LYAR: variants seen among roughly 807,000 people sequenced by gnomAD.
LYAR encodes the protein cell growth-regulating nucleolar protein.
Under a neutral mutation model 45.2 loss-of-function variants are expected in LYAR, and 37 were observed. The observed-to-expected ratio is 0.82, with a 90% confidence interval of 0.63 to 1.08. The LOEUF is 1.08. Among genes scored for constraint, LYAR ranks in the 50% least tolerant of loss-of-function variants. The pLI is 0.00. For synonymous variants in LYAR, 176 were observed against 155.1 expected (o/e 1.14, Z -1.00); for missense variants, 493 against 451.0 (o/e 1.09, Z -0.84).
intron 1 of LYAR, among the ~76,000 whole-genome samples, chr4:4,289,244 T>C (rs948176671): frequency 6.6e-6 from 1 of 152,194 alleles, no homozygotes; most frequent in East Asian, 1.9e-4. Flanking sequence ...TCTCTCTGCC[T>C]CCTACCCCAC....
intron 3 of LYAR, 53 bp downstream of exon 3, chr4:4,283,568 T>G: frequency 1.3e-6 from 2 of 1,567,252 alleles, no homozygotes; most frequent in South Asian, 2.3e-5. Context: ...CGCCAAGGCT[T>G]CCAAAACTGA....
intron 8 of LYAR, among the ~76,000 whole-genome samples, chr4:4,269,323 CT>C (rs1718837246): frequency 6.6e-6 from 1 of 152,194 alleles, no homozygotes; most frequent in South Asian, 2.1e-4. Context: ...AGACAGAAAA[CT>C]TTTGTATAAT....
intron 7 of LYAR, among the ~76,000 whole-genome samples, chr4:4,273,920 G>T (rs969372688): frequency 1.3e-5 from 2 of 152,178 alleles, no homozygotes; most frequent in Non-Finnish European, 2.9e-5. Flanking sequence ...CAAAGCTTAT[G>T]CTCGTTCCCT....
intron 4 of LYAR, among the ~76,000 whole-genome samples, chr4:4,280,022 T>C (rs1719336100): frequency 6.6e-6 from 1 of 152,216 alleles, no homozygotes; most frequent in South Asian, 2.1e-4. Flanking sequence ...GATGTGGTCT[T>C]ATATGTCAAA....
intron 1 of LYAR, chr4:4,289,790 T>C (rs2980156): frequency 0.39 from 58,901 of 152,194 alleles, 12,242 homozygotes; most frequent in East Asian, 0.55. Context: ...CGGTGACCAA[T>C]CGTCCTGGTT....
In LYAR at chr4:4,274,356, T is replaced by C; in HGVS notation, c.832+11A>G. On this transcript the variant is annotated intron_variant, in intron 7 of 9. Transcript: ENST00000343470. ...TTCAGATGAATCCCAGAGCGTGAGC[T>C]AGCCACTTACCTTCCGAGTGCCTCC... The C allele has an allele frequency of 6.2e-7, 1 of 1,605,096 alleles. No homozygotes were observed. The highest frequency in any genetic ancestry group is 1.1e-5 in the South Asian group (1 of 89,992).
chr4:4,288,092 G>T (rs1280888326), intron 1 of LYAR, among the ~76,000 whole-genome samples: 3 of 152,162 alleles, frequency 2.0e-5, no homozygotes, highest in Non-Finnish European at 4.4e-5. Context: ...AAAACTAAAT[G>T]ACCTCAAAGC....
Position 4,279,727 on chromosome 4 carries a change from C to G in LYAR, c.260G>C (p.Arg87Thr), listed in dbSNP as rs200105686. ...WIQKISELIK[R>T]PNVSPKVREL... is the part of the protein sequence containing the mutation. ...TCTCACTTTGGGGCTGACATTGGGT[C>G]TCTTTATTAATTCACTAATTTTCTA... Residue 87 changes from arginine to threonine, a missense_variant, in exon 5 of 10, where the codon AGA becomes ACA. By Grantham distance (71) the Arg-to-Thr change is moderately conservative. Coordinates refer to ENST00000343470, the MANE Select transcript of LYAR (RefSeq NM_017816.3). 6.2e-7 allele frequency: 1 copy of G among 1,609,758 alleles called. No individual in the cohort carries two copies. Among genetic ancestry groups the G allele is most frequent in the East Asian group, 2.2e-5 (1 of 44,858 alleles).
At chr4:4,279,246 T>C (rs1417981426) in intron 6 of LYAR, among the ~76,000 whole-genome samples, 5 of 152,066 alleles carry the variant, frequency 3.3e-5, no homozygotes, top group African/African-American at 7.2e-5. Context: ...GACACGAGAA[T>C]TGCTTGAACC....
At chr4:4,272,283 C>G (rs1442700889) in intron 8 of LYAR, among the ~76,000 whole-genome samples, 1 of 152,176 alleles carries the variant, frequency 6.6e-6, no homozygotes, top group Non-Finnish European at 1.5e-5. Flanking sequence ...CTTACAACTG[C>G]ATGTGAGTCT....
chr4:4,274,167 G>T (rs530964207), intron 7 of LYAR, among the ~76,000 whole-genome samples, 200 bp downstream of exon 7: 1 of 152,138 alleles, frequency 6.6e-6, no homozygotes, highest in Non-Finnish European at 1.5e-5. Context: ...AACCTGGGAG[G>T]TGGAGGTTGC....
chr4:4,269,350 GC>G (rs1463584328), intron 8 of LYAR, among the ~76,000 whole-genome samples: 1 of 152,146 alleles, frequency 6.6e-6, no homozygotes, highest in African/African-American at 2.4e-5. Context: ...CCCTACTGCA[GC>G]CACACATCAC....
chr4:4,286,695 G>A (rs967825022), intron 1 of LYAR, 123 bp from the exon 2 acceptor site: 1 of 136,438 alleles, frequency 7.3e-6, no homozygotes, highest in Non-Finnish European at 1.5e-5. Context: ...CGCCCAGGCT[G>A]GAGTGCAGTG....
intron 2 of LYAR, among the ~76,000 whole-genome samples, chr4:4,285,950 C>A (rs1461485495): frequency 6.6e-6 from 1 of 152,174 alleles, no homozygotes; most frequent in African/African-American, 2.4e-5. Context: ...CTCTGGAGAT[C>A]GGCTACACAC....
intron 6 of LYAR, among the ~76,000 whole-genome samples, 192 bp from the exon 7 acceptor site, chr4:4,274,961 C>T (rs553553723): frequency 6.6e-5 from 10 of 152,296 alleles, no homozygotes; most frequent in African/African-American, 2.2e-4. Flanking sequence ...GAAACCACTT[C>T]CCCCAGTCCA....
chr4:4,281,577 C>G (rs535289396), intron 4 of LYAR, among the ~76,000 whole-genome samples: 1 of 152,310 alleles, frequency 6.6e-6, no homozygotes, highest in African/African-American at 2.4e-5. Flanking sequence ...CCTTGGCCTC[C>G]CAAAGTGCTG....
intron 3 of LYAR, 135 bp downstream of exon 3, chr4:4,283,486 T>C (rs923915811): frequency 4.4e-6 from 4 of 912,352 alleles, no homozygotes; most frequent in Admixed American, 2.7e-5. Flanking sequence ...CCAGTTTTAA[T>C]CAATGGAACA....
At position 4,269,158 on chromosome 4, in the gene LYAR, G is replaced by A. The variant is rs114108291; in HGVS notation, c.920-543C>T. ...AAAGGTAGAGACCAGCTGGGACCTC[G>A]GGGCCTGCAGAGCAACACGGGGTGA... is the stretch of plus-strand genomic sequence containing the variant. On this transcript the variant is annotated intron_variant, in intron 8 of 9. Transcript: ENST00000343470. 2.2e-3 allele frequency among the ~76,000 whole-genome samples: 336 copies of A among 152,198 alleles called. 5 individuals are homozygous for A. The highest frequency in any genetic ancestry group is 7.5e-3 in the African/African-American group (312 of 41,522).
At chr4:4,276,339 A>G (rs891261211) in intron 6 of LYAR, among the ~76,000 whole-genome samples, 3 of 152,114 alleles carry the variant, frequency 2.0e-5, no homozygotes, top group Non-Finnish European at 4.4e-5. Flanking sequence ...TGGACCAAAT[A>G]AAAAAGGACA....
Sources: gnomAD v4.1 joint callset for allele counts (sites outside exome capture counted in the v4.1 genomes callset) on GRCh38, gnomAD v4.1.1 for gene constraint, MANE v1.5 for transcripts, NCBI Gene and HGNC (gene_info 2026-07-23, HGNC 2026-07-21) for gene names.